The following SMAD9 variants were observed in gnomAD, a reference collection of about 807,000 sequenced individuals.
SMAD9 encodes the protein SMAD family member 9.
Under a neutral mutation model 46.1 loss-of-function variants are expected in SMAD9, and 36 were observed. The ratio of observed to expected loss-of-function variants is 0.78; its 90% CI spans 0.60 to 1.03. SMAD9 has a LOEUF of 1.03. SMAD9 is among the 50% of genes least tolerant of loss of function. The pLI, the probability that SMAD9 is intolerant of heterozygous loss-of-function variation, is 0.00. For synonymous variants in SMAD9, 245 were observed against 237.1 expected, an observed-to-expected ratio of 1.03 and a Z score of -0.31; for missense variants, 572 against 599.8, an observed-to-expected ratio of 0.95 and a Z score of 0.48.
Position 36,868,287 on chromosome 13 carries a change from T to C in SMAD9, c.671-904A>G, listed in dbSNP as rs1254271656. Among the ~76,000 whole-genome samples, 4 of 152,246 alleles carry C rather than the reference T, an allele frequency of 2.6e-5. No individual in the cohort carries two copies. In the East Asian group the frequency reaches 5.8e-4, roughly 22 times the overall value. ...CCATGTACATTTTAACATGCCCCAATGGCAATTCTAATGCAGGGTTCGTGG... is the reference window on the plus strand; with the variant it reads ...CCATGTACATTTTAACATGCCCCAACGGCAATTCTAATGCAGGGTTCGTGG... On this transcript the variant is annotated intron_variant, in intron 3 of 6. Transcript: ENST00000379826.
chr13:36,905,553 A>G (rs940551468), intron 1 of SMAD9, among the ~76,000 whole-genome samples: 10 of 152,014 alleles, frequency 6.6e-5, no homozygotes, highest in Non-Finnish European at 1.3e-4. Context: ...CCCAGGAGTA[A>G]GAGACCAGCC....
chr13:36,852,008 C>A (rs2058078698), intron 6 of SMAD9: 48 of 982,554 alleles, frequency 4.9e-5, no homozygotes, highest in Non-Finnish European at 5.6e-5. Flanking sequence ...ATGCCCTCTG[C>A]CGTTTCTAAA....
At chr13:36,864,310 C>A (rs1458072127) in intron 5 of SMAD9, among the ~76,000 whole-genome samples, 1 of 152,210 alleles carries the variant, frequency 6.6e-6, no homozygotes, top group Non-Finnish European at 1.5e-5. Context: ...TCTTCTCCAG[C>A]TCTCTGTGTC....
At chr13:36,900,972 A>G (rs2058570930) in intron 1 of SMAD9, among the ~76,000 whole-genome samples, 1 of 152,140 alleles carries the variant, frequency 6.6e-6, no homozygotes, top group African/African-American at 2.4e-5. Context: ...ACCAATCTGC[A>G]TTCTGTCTTT....
chr13:36,888,812 A>C (rs1296885586), intron 1 of SMAD9, among the ~76,000 whole-genome samples: 2 of 152,186 alleles, frequency 1.3e-5, no homozygotes, highest in East Asian at 3.9e-4. Flanking sequence ...TTACTAAAGG[A>C]TGTGATTAAC....
Position 36,879,751 on chromosome 13 carries a change from C to A in SMAD9, c.-62G>T. On this transcript the variant is annotated 5_prime_UTR_variant, in exon 2 of 7. Coordinates refer to ENST00000379826, the MANE Select transcript of SMAD9 (RefSeq NM_001127217.3). ...GCACAGCCCTTCACGGCAAAGTGGGCGGCGAGTAGCTCTCCAGGGGTGGCA... is the reference window on the plus strand; with the variant it reads ...GCACAGCCCTTCACGGCAAAGTGGGAGGCGAGTAGCTCTCCAGGGGTGGCA... The A allele has an allele frequency of 1.3e-6, 2 of 1,589,404 alleles. No individual in the cohort carries two copies. Among genetic ancestry groups the A allele is most frequent in the Non-Finnish European group, 8.6e-7 (1 of 1,163,830 alleles).
At chr13:36,855,251 CA>C (rs1198605048) in intron 5 of SMAD9, among the ~76,000 whole-genome samples, 217 of 45,966 alleles carry the variant, frequency 4.7e-3, no homozygotes, top group African/African-American at 0.012. Context: ...GAGTCCATCT[CA>C]AAAAAAAAAA....
At chr13:36,861,427 G>A (rs541912134) in intron 5 of SMAD9, among the ~76,000 whole-genome samples, 70 of 151,720 alleles carry the variant, frequency 4.6e-4, no homozygotes, top group African/African-American at 1.6e-3. Context: ...TGATTCTCCT[G>A]CCTCAGCCTC....
rs557481218 is a variant in SMAD9 at position 36,885,129 on chromosome 13, G to A, written c.-186-5254C>T. Among the ~76,000 whole-genome samples, 7 of 152,162 alleles carry A rather than the reference G, an allele frequency of 4.6e-5. No individual in the cohort carries two copies. In the South Asian group the frequency reaches 1.5e-3, roughly 32 times the overall value. Reference sequence around the variant, plus strand: ...TTAGAAAGTGAACACATTTGCTGAAGGAACATTTAATCCCCTCCAAGAAAC... The same window carrying A: ...TTAGAAAGTGAACACATTTGCTGAAAGAACATTTAATCCCCTCCAAGAAAC... On this transcript the variant is annotated intron_variant, in intron 1 of 6. Transcript: ENST00000379826.
rs752573950 is a variant in SMAD9 at position 36,879,295 on chromosome 13, C to T, written c.395G>A (p.Arg132His). The T allele has an allele frequency of 5.0e-6, 8 of 1,613,894 alleles. No individual in the cohort carries two copies. Among genetic ancestry groups the T allele is most frequent in the South Asian group, 2.2e-5 (2 of 91,070 alleles). Reference protein sequence around the residue: ...KEVCINPYHYRRVETPVLPPV... With the variant: ...KEVCINPYHYHRVETPVLPPV... ...CGACCCACCTGGAGTCTCCACCCGG[C>T]GGTAGTGGTAAGGGTTAATGCACAC... Residue 132 changes from arginine to histidine, a missense_variant, in exon 2 of 7, where the codon CGC (arginine) becomes CAC (histidine). By Grantham distance (29) the Arg-to-His change is conservative (BLOSUM62 0). Coordinates refer to ENST00000379826, the MANE Select transcript of SMAD9 (RefSeq NM_001127217.3).
intron 1 of SMAD9, among the ~76,000 whole-genome samples, chr13:36,905,526 C>A (rs2058611693): frequency 6.6e-6 from 1 of 151,962 alleles, no homozygotes; most frequent in Non-Finnish European, 1.5e-5. Flanking sequence ...GATGCCAAGG[C>A]GGGCAGATGG....
At chr13:36,889,966 T>A (rs1178996887) in intron 1 of SMAD9, among the ~76,000 whole-genome samples, 2 of 150,112 alleles carry the variant, frequency 1.3e-5, no homozygotes, top group Admixed American at 6.6e-5. Flanking sequence ...TTAGGAAAGA[T>A]TATTTGTCTT....
intron 1 of SMAD9, among the ~76,000 whole-genome samples, chr13:36,884,625 C>T (rs921120033): frequency 2.0e-5 from 3 of 152,162 alleles, no homozygotes; most frequent in Admixed American, 6.5e-5. Context: ...AAACAATTTA[C>T]CCGGCTGGGT....
At chr13:36,870,198 C>T (rs1033544293) in intron 3 of SMAD9, among the ~76,000 whole-genome samples, 1 of 152,172 alleles carries the variant, frequency 6.6e-6, no homozygotes, top group African/African-American at 2.4e-5. Flanking sequence ...ATCAACCTGT[C>T]AGAGTAACCA....
rs551671499 is a variant in SMAD9 at position 36,851,760 on chromosome 13, T to C, written c.1260+1659A>G. Reference sequence around the variant, plus strand: ...AAATGATCTATAGTTATATTTACTATGTATTTATTTTAAAAGTTCCTGCAG... The same window carrying C: ...AAATGATCTATAGTTATATTTACTACGTATTTATTTTAAAAGTTCCTGCAG... On this transcript the variant is annotated intron_variant, in intron 6 of 6. Transcript: ENST00000379826. 3.3e-5 allele frequency: 32 copies of C among 968,598 alleles called. No homozygotes were observed. The South Asian group carries it at 1.2e-3, about 36-fold the overall frequency. 60.0% of individuals were successfully genotyped at this position (968,598 alleles called of 1,614,324 possible).
intron 1 of SMAD9, among the ~76,000 whole-genome samples, chr13:36,917,746 G>T (rs968652674): frequency 6.6e-6 from 1 of 152,180 alleles, no homozygotes; most frequent in Non-Finnish European, 1.5e-5. Context: ...AGCAGAACAT[G>T]ATGAAACTGC....
intron 1 of SMAD9, among the ~76,000 whole-genome samples, chr13:36,903,660 A>G (rs569163962): frequency 6.6e-6 from 1 of 152,378 alleles, no homozygotes; most frequent in African/African-American, 2.4e-5. Flanking sequence ...AAAGTCTCCA[A>G]AACTTTTAGT....
intron 1 of SMAD9, among the ~76,000 whole-genome samples, chr13:36,899,502 T>A (rs776081721): frequency 6.6e-6 from 1 of 152,202 alleles, no homozygotes; most frequent in Non-Finnish European, 1.5e-5. Context: ...AGAGTCCAGA[T>A]TTCTTGGGCA....
At chr13:36,907,018 T>G (rs1433123698) in intron 1 of SMAD9, among the ~76,000 whole-genome samples, 1 of 152,132 alleles carries the variant, frequency 6.6e-6, no homozygotes, top group Non-Finnish European at 1.5e-5. Flanking sequence ...AATGAACAAA[T>G]TGTTATATAT....
Sources: gnomAD v4.1 joint callset for allele counts (sites outside exome capture counted in the v4.1 genomes callset) on GRCh38, gnomAD v4.1.1 for gene constraint, MANE v1.5 for transcripts, NCBI Gene and HGNC (gene_info 2026-07-23, HGNC 2026-07-21) for gene names.